NAV3: variants seen among roughly 807,000 people sequenced by gnomAD.
NAV3 encodes the protein neuron navigator 3, also known as pore membrane and/or filament interacting like protein 1.
In NAV3, 87 loss-of-function variants were observed where a neutral mutation model predicts 244.7. The ratio of observed to expected loss-of-function variants is 0.36; its 90% confidence interval spans 0.30 to 0.42. The LOEUF is 0.42. Among genes scored for constraint, NAV3 ranks in the 20% least tolerant of loss-of-function variants. The probability of loss-of-function intolerance (pLI) is 1.00; values close to 1 mark genes in which losing one functional copy is unlikely to be tolerated. For synonymous variants in NAV3, 1,126 were observed against 1,042.2 expected (o/e 1.08, Z -1.55); for missense variants, 2,663 against 2,893.3 (o/e 0.92, Z 1.83).
chr12:78,144,486 G>T (rs1956767611), intron 20 of NAV3, among the ~76,000 whole-genome samples: 1 of 151,910 alleles, frequency 6.6e-6, no homozygotes, highest in Non-Finnish European at 1.5e-5. Context: ...CTGGCTCATT[G>T]CTTTATTTTT....
Position 78,190,079 on chromosome 12 carries a change from A to C in NAV3, c.6151A>C (p.Arg2051=). ...RYFNLLMEHH[R]IILSGPSGTG... The stretch of plus-strand genomic sequence containing the variant: ...CTTTAACTTGTTGATGGAGCATCAC[A>C]GAATTATACTCTCAGGACCGAGTGG... The change falls in exon 34 of 40, where the codon AGA becomes CGA. Residue 2051 remains arginine, a synonymous_variant. Transcript: ENST00000397909. 1 of 1,613,246 alleles carries C rather than the reference A, an allele frequency of 6.2e-7. No individual in the cohort carries two copies. The highest frequency in any genetic ancestry group is 8.5e-7 in the Non-Finnish European group (1 of 1,179,512).
intron 1 of NAV3, among the ~76,000 whole-genome samples, chr12:77,835,979 T>C (rs1211601571): frequency 6.6e-6 from 1 of 152,206 alleles, no homozygotes; most frequent in East Asian, 1.9e-4. Flanking sequence ...CTCTATGTCA[T>C]ATGCAGTTGG....
chr12:77,941,477 G>A (rs987534355), intron 3 of NAV3, among the ~76,000 whole-genome samples: 3 of 152,134 alleles, frequency 2.0e-5, no homozygotes, highest in African/African-American at 4.8e-5. Flanking sequence ...AACAGGCTTT[G>A]CCATGGGCAT....
At chr12:77,895,313 G>GTGTGTGTGTGTA (rs1555224960) in intron 1 of NAV3, among the ~76,000 whole-genome samples, 10 of 147,802 alleles carry the variant, frequency 6.8e-5, no homozygotes, top group African/African-American at 2.5e-4. Context: ...GAATGATTGT[G>GTGTGTGTGTGTA]TGTGTGTGTG....
chr12:77,664,200 T>A (rs964087623), intron 2 of NAV3, among the ~76,000 whole-genome samples: 1 of 152,340 alleles, frequency 6.6e-6, no homozygotes, highest in South Asian at 2.1e-4. Context: ...TTAATGGAGA[T>A]GTTTGGATCT....
rs778398842 is a variant in NAV3 at position 77,685,473 on chromosome 12, G to GCACA, written c.72+113238_72+113241dup. On this transcript the variant is annotated intron_variant, in intron 2 of 8. Transcript: ENST00000550042. ...TAAGATACTCCCAACGCATACACAT[G>GCACA]CACACACACACACACACACACACAC... Among the ~76,000 whole-genome samples, 335 of 42,682 alleles carry GCACA rather than the reference G, an allele frequency of 7.8e-3. 3 individuals carry two copies. Among genetic ancestry groups the GCACA allele is most frequent in the Middle Eastern group, 0.018 (1 of 56 alleles). The allele number at this position is 42,682 out of a possible 152,430, so 28.0% of individuals were successfully genotyped here. A position where few individuals can be genotyped will look rare whatever the true frequency, so the allele number is the denominator to read the frequency against.
intron 2 of NAV3, among the ~76,000 whole-genome samples, chr12:77,606,757 G>T (rs1193866075): frequency 6.6e-6 from 1 of 152,090 alleles, no homozygotes; most frequent in Non-Finnish European, 1.5e-5. Flanking sequence ...TACATCACAT[G>T]TCAAAACTTC....
At chr12:78,115,330 T>C (rs975361491) in intron 12 of NAV3, among the ~76,000 whole-genome samples, 1 of 152,188 alleles carries the variant, frequency 6.6e-6, no homozygotes. Flanking sequence ...GGCACCAATT[T>C]ACTGTATTAG....
At chr12:77,599,944 GAA>G (rs1870348026) in intron 2 of NAV3, among the ~76,000 whole-genome samples, 14 of 151,916 alleles carry the variant, frequency 9.2e-5, no homozygotes, top group African/African-American at 2.9e-4. Context: ...ACTGTGAATA[GAA>G]AGTCAATTTG....
intron 1 of NAV3, among the ~76,000 whole-genome samples, chr12:77,841,570 C>G (rs1875655420): frequency 6.6e-6 from 1 of 152,134 alleles, no homozygotes; most frequent in Non-Finnish European, 1.5e-5. Context: ...ACCCAAAGGC[C>G]AAATTTGGCC....
intron 34 of NAV3, 57 bp downstream of exon 34, chr12:78,190,276 A>T: frequency 7.1e-7 from 1 of 1,407,548 alleles, no homozygotes; most frequent in Admixed American, 2.0e-5. Flanking sequence ...GTTTTAAGCA[A>T]TCAAATTATA....
intron 9 of NAV3, among the ~76,000 whole-genome samples, chr12:78,045,414 G>C (rs1375757276): frequency 6.6e-6 from 1 of 152,076 alleles, no homozygotes; most frequent in Non-Finnish European, 1.5e-5. Flanking sequence ...TCCTGCCTCA[G>C]CCTCCCGAGT....
chr12:77,741,148 C>CAAAAAAAAAAAAAA, intron 2 of NAV3, among the ~76,000 whole-genome samples: 86 of 68,610 alleles, frequency 1.3e-3, no homozygotes, highest in Middle Eastern at 0.014. Flanking sequence ...AAAAAAAAGA[C>CAAAAAAAAAAAAAA]AAAAAAAAAA....
chr12:78,010,318 C>A (rs1004397103), intron 8 of NAV3, among the ~76,000 whole-genome samples: 1 of 152,082 alleles, frequency 6.6e-6, no homozygotes, highest in Non-Finnish European at 1.5e-5. Context: ...CCTATAAAAT[C>A]CCTGACAATT....
At chr12:78,143,624 CAGAAAAA>C (rs1593770359) in intron 20 of NAV3, among the ~76,000 whole-genome samples, 2 of 92,654 alleles carry the variant, frequency 2.2e-5, no homozygotes, top group Admixed American at 1.1e-4. Context: ...AACACTGTCT[CAGAAAAA>C]AAAAAAAAAA....
chr12:77,584,339 G>C (rs904353041), intron 2 of NAV3, among the ~76,000 whole-genome samples: 1 of 151,988 alleles, frequency 6.6e-6, no homozygotes, highest in African/African-American at 2.4e-5. Context: ...AACAAATTGG[G>C]TTGTGATTTT....
chr12:77,749,477 T>A (rs1868730244), intron 2 of NAV3, among the ~76,000 whole-genome samples: 1 of 152,158 alleles, frequency 6.6e-6, no homozygotes. Flanking sequence ...ACAAAGTTAA[T>A]CTGCTGAGTT....
chr12:77,999,159 C>A (rs1872818732), intron 7 of NAV3, among the ~76,000 whole-genome samples: 1 of 152,154 alleles, frequency 6.6e-6, no homozygotes, highest in Admixed American at 6.5e-5. Flanking sequence ...CACTGAGTAG[C>A]AGAGAGGACG....
At chr12:77,872,483 AG>A (rs1881124532) in intron 1 of NAV3, among the ~76,000 whole-genome samples, 2 of 152,134 alleles carry the variant, frequency 1.3e-5, no homozygotes, top group Admixed American at 1.3e-4. Context: ...TGAACCTTGA[AG>A]GGTTGGTGTT....
Sources: allele counts gnomAD v4.1 joint callset (sites outside exome capture counted in the v4.1 genomes callset), GRCh38; gene constraint gnomAD v4.1.1; transcripts MANE v1.5; gene names NCBI Gene and HGNC (gene_info 2026-07-23, HGNC 2026-07-21).